ZNF385D: variants seen among roughly 807,000 people sequenced by gnomAD.
ZNF385D encodes the protein zinc finger protein 385D, also known as zinc finger protein 659.
A neutral mutation model predicts 35.8 loss-of-function variants in ZNF385D; 15 were observed. The observed-to-expected ratio is 0.42, with a 90% CI of 0.28 to 0.64. The LOEUF is 0.64. ZNF385D is among the 30% of genes least tolerant of loss of function. The pLI is 0.23. For missense variants in ZNF385D, 474 were observed against 494.6 expected, an observed-to-expected ratio of 0.96 and a Z score of 0.39; for synonymous variants, 212 against 186.8, an observed-to-expected ratio of 1.13 and a Z score of -1.10.
intron 3 of ZNF385D, among the ~76,000 whole-genome samples, chr3:22,141,259 C>T (rs528610508): frequency 1.3e-5 from 2 of 151,508 alleles, no homozygotes; most frequent in Non-Finnish European, 3.0e-5. Context: ...GCATTGTTCC[C>T]AATGCAATAT....
chr3:22,340,217 G>C (rs1285303956), intron 2 of ZNF385D, among the ~76,000 whole-genome samples: 1 of 152,198 alleles, frequency 6.6e-6, no homozygotes, highest in Non-Finnish European at 1.5e-5. Context: ...AACCATGCCT[G>C]TTAAATTGCC....
chr3:21,643,227 C>T (rs933056033), intron 2 of ZNF385D, among the ~76,000 whole-genome samples: 2 of 152,072 alleles, frequency 1.3e-5, no homozygotes, highest in Non-Finnish European at 1.5e-5. Flanking sequence ...AATGCATGCT[C>T]ATGTAAGAGC....
At chr3:22,314,932 G>GA (rs751350210) in intron 2 of ZNF385D, among the ~76,000 whole-genome samples, 1 of 152,138 alleles carries the variant, frequency 6.6e-6, no homozygotes, top group African/African-American at 2.4e-5. Flanking sequence ...TGATCAAGGG[G>GA]AAAATGAATG....
intron 3 of ZNF385D, among the ~76,000 whole-genome samples, chr3:21,940,085 G>C (rs1559774033): frequency 1.3e-5 from 2 of 151,822 alleles, no homozygotes; most frequent in South Asian, 4.2e-4. Flanking sequence ...TTCTTCCCTG[G>C]GTCTTTTTGT....
chr3:22,271,057 G>T (rs749142805), intron 2 of ZNF385D, among the ~76,000 whole-genome samples: 1 of 151,794 alleles, frequency 6.6e-6, no homozygotes, highest in African/African-American at 2.4e-5. Flanking sequence ...CTCCTTCCAT[G>T]AAATCTTTTC....
At chr3:21,652,039 A>G (rs990878418) in intron 2 of ZNF385D, among the ~76,000 whole-genome samples, 1 of 152,220 alleles carries the variant, frequency 6.6e-6, no homozygotes, top group Admixed American at 6.5e-5. Flanking sequence ...TCATATAAGC[A>G]GCAATTAATA....
At chr3:21,911,558 A>G (rs896158120) in intron 3 of ZNF385D, among the ~76,000 whole-genome samples, 2 of 152,016 alleles carry the variant, frequency 1.3e-5, no homozygotes, top group East Asian at 3.8e-4. Flanking sequence ...TTGAGAATCA[A>G]ATTATCTGAG....
intron 4 of ZNF385D, among the ~76,000 whole-genome samples, chr3:21,480,322 C>A (rs927321816): frequency 6.6e-6 from 1 of 152,002 alleles, no homozygotes; most frequent in South Asian, 2.1e-4. Context: ...AGGCTGATCT[C>A]GAACTCCTGA....
At chr3:22,150,139 G>T (rs1447124746) in intron 3 of ZNF385D, among the ~76,000 whole-genome samples, 1 of 152,090 alleles carries the variant, frequency 6.6e-6, no homozygotes, top group Non-Finnish European at 1.5e-5. Context: ...ATAAGATAAT[G>T]CCAGAAATAA....
chr3:21,639,275 G>T (rs2065532916), intron 2 of ZNF385D, among the ~76,000 whole-genome samples: 1 of 151,676 alleles, frequency 6.6e-6, no homozygotes, highest in Non-Finnish European at 1.5e-5. Context: ...TTTATTATGT[G>T]ACTCCCTCCA....
chr3:21,804,064 G>C (rs992549266), intron 3 of ZNF385D, among the ~76,000 whole-genome samples: 1 of 152,188 alleles, frequency 6.6e-6, no homozygotes, highest in Admixed American at 6.5e-5. Flanking sequence ...GGATTTTATA[G>C]AGGTGTAAAT....
intron 2 of ZNF385D, among the ~76,000 whole-genome samples, chr3:22,353,679 T>C (rs1696018663): frequency 6.6e-6 from 1 of 152,180 alleles, no homozygotes; most frequent in African/African-American, 2.4e-5. Flanking sequence ...TCATAACTCA[T>C]GGTGATTTCA....
intron 3 of ZNF385D, among the ~76,000 whole-genome samples, chr3:21,984,005 T>C (rs1694663292): frequency 7.3e-6 from 1 of 136,744 alleles, no homozygotes; most frequent in Non-Finnish European, 1.5e-5. Flanking sequence ...CACTTTTTGA[T>C]GGGGTTGTTT....
intron 3 of ZNF385D, among the ~76,000 whole-genome samples, chr3:21,784,187 G>C (rs563280995): frequency 1.8e-4 from 28 of 152,246 alleles, no homozygotes; most frequent in African/African-American, 6.5e-4. Flanking sequence ...AGCCTATAAA[G>C]CAGGAGAATG....
intron 3 of ZNF385D, among the ~76,000 whole-genome samples, chr3:21,961,123 C>G (rs1576015641): frequency 6.6e-6 from 1 of 151,802 alleles, no homozygotes; most frequent in Non-Finnish European, 1.5e-5. Flanking sequence ...GTTAATTATC[C>G]TGATTTGAGT....
intron 3 of ZNF385D, among the ~76,000 whole-genome samples, chr3:21,803,112 G>T (rs925226710): frequency 1.3e-5 from 2 of 152,140 alleles, no homozygotes; most frequent in African/African-American, 4.8e-5. Flanking sequence ...ACACCCAGGG[G>T]TTTGGGAGGG....
intron 7 of ZNF385D, among the ~76,000 whole-genome samples, chr3:21,422,408 T>C (rs989584822): frequency 1.3e-5 from 2 of 152,242 alleles, no homozygotes; most frequent in African/African-American, 2.4e-5. Context: ...AGGTTTGTTA[T>C]GTAGGTAAAT....
chr3:22,145,230 C>T (rs992847167), intron 3 of ZNF385D, among the ~76,000 whole-genome samples: 1 of 152,150 alleles, frequency 6.6e-6, no homozygotes, highest in Non-Finnish European at 1.5e-5. Context: ...GCCTTGCAAC[C>T]ACCATAAATA....
At chr3:21,713,578 AC>A (rs2068198890) in intron 1 of ZNF385D, among the ~76,000 whole-genome samples, 1 of 152,086 alleles carries the variant, frequency 6.6e-6, no homozygotes, top group Non-Finnish European at 1.5e-5. Context: ...GTCATTGCTG[AC>A]CTGGGGCTAC....
Sources: gnomAD v4.1 joint callset for allele counts (sites outside exome capture counted in the v4.1 genomes callset) on GRCh38, gnomAD v4.1.1 for gene constraint, MANE v1.5 for transcripts, NCBI Gene and HGNC (gene_info 2026-07-23, HGNC 2026-07-21) for gene names.